The following CXADR variants were observed in gnomAD, a reference collection of about 807,000 sequenced individuals.
CXADR encodes the protein CXADR cell adhesion molecule, also known as coxsackievirus and adenovirus receptor.
In CXADR, 20 loss-of-function variants were observed where a neutral mutation model predicts 40.3. The observed-to-expected ratio is 0.50, with a 90% CI of 0.35 to 0.72. The LOEUF (loss-of-function observed/expected upper bound fraction) is 0.72, where lower values mean the gene tolerates loss of function less well. Ranked by LOEUF, CXADR falls within the 30% of genes least tolerant of loss-of-function variation. The pLI is 0.01. For missense variants in CXADR, 332 were observed against 449.1 expected, an observed-to-expected ratio of 0.74 and a Z score of 2.36; for synonymous variants, 150 against 161.3, an observed-to-expected ratio of 0.93 and a Z score of 0.53.
At chr21:17,587,915 G>T (rs1280662888) in intron 7 of CXADR, among the ~76,000 whole-genome samples, 1 of 152,088 alleles carries the variant, frequency 6.6e-6, no homozygotes, top group Non-Finnish European at 1.5e-5. Flanking sequence ...TTTGTATAAG[G>T]TGTAAGGAAG....
chr21:17,593,241 T>C, exon 8 of CXADR: 2 of 1,365,776 alleles, frequency 1.5e-6, no homozygotes, highest in Non-Finnish European at 1.9e-6. Context: ...TGACTTTATT[T>C]TAGGCCTCTA....
At chr21:17,573,768 G>A (rs1007796003), downstream of CXADR, among the ~76,000 whole-genome samples, 1 of 152,294 alleles carries the variant, frequency 6.6e-6, no homozygotes, top group Middle Eastern at 3.4e-3. Flanking sequence ...AATTAGCTGG[G>A]TGGTGGCACA....
At chr21:17,548,575 A>G (rs942643947) in intron 2 of CXADR, among the ~76,000 whole-genome samples, 6 of 152,224 alleles carry the variant, frequency 3.9e-5, no homozygotes, top group Non-Finnish European at 8.8e-5. Flanking sequence ...GTGACAGTGC[A>G]GTGCCTGTCC....
intron 2 of CXADR, 54 bp downstream of exon 2, chr21:17,547,247 G>T (rs2060910183): frequency 6.2e-7 from 1 of 1,607,818 alleles, no homozygotes; most frequent in East Asian, 2.2e-5. Context: ...ACTATCTGAT[G>T]TGTCCATCAC....
intron 1 of CXADR, among the ~76,000 whole-genome samples, chr21:17,523,168 A>T (rs1235308081): frequency 2.0e-5 from 3 of 151,866 alleles, no homozygotes; most frequent in African/African-American, 7.3e-5. Flanking sequence ...GCATGTTCTA[A>T]CCTTTATCAA....
intron 1 of CXADR, among the ~76,000 whole-genome samples, chr21:17,534,383 C>CGG (rs1391733805): frequency 2.6e-5 from 4 of 151,986 alleles, no homozygotes; most frequent in Non-Finnish European, 5.9e-5. Flanking sequence ...GCGTGAGCCA[C>CGG]GGCACCCGGC....
At chr21:17,596,100 A>G (rs1179801707), downstream of CXADR, among the ~76,000 whole-genome samples, 1 of 152,042 alleles carries the variant, frequency 6.6e-6, no homozygotes, top group Non-Finnish European at 1.5e-5. Context: ...TTGAGATTAC[A>G]GCAGGATATG....
rs454870 is a variant in CXADR at position 17,568,582 on chromosome 21, A to G, written c.*2890A>G. ...CTTTTTTTTTTTTTTTTTAAGAGAT[A>G]GGGTTTCACTATTGCTCAGGCTGGT... On this transcript the variant is annotated 3_prime_UTR_variant, in exon 7 of 7. Coordinates refer to ENST00000284878, the MANE Select transcript of CXADR (RefSeq NM_001338.5). The G allele has an allele frequency of 0.33, 320,193 of 958,340 alleles. 54,942 individuals carry two copies. Among genetic ancestry groups the G allele is most frequent in the African/African-American group, 0.48 (26,039 of 54,326 alleles). 59.4% of individuals were successfully genotyped at this position (958,340 alleles called of 1,614,324 possible). A position where few individuals can be genotyped will look rare whatever the true frequency, so the allele number is the denominator to read the frequency against.
chr21:17,553,793 A>G (rs986229785), intron 3 of CXADR, among the ~76,000 whole-genome samples: 1 of 151,562 alleles, frequency 6.6e-6, no homozygotes, highest in Non-Finnish European at 1.5e-5. Flanking sequence ...GGCTGATTTT[A>G]TTTTTGGTAG....
chr21:17,540,402 C>T (rs931937872), intron 1 of CXADR, among the ~76,000 whole-genome samples: 17 of 151,964 alleles, frequency 1.1e-4, no homozygotes, highest in Non-Finnish European at 1.9e-4. Context: ...TAATTTCATT[C>T]GATGATTGTA....
the CXADR span, among the ~76,000 whole-genome samples, chr21:17,624,838 C>T: frequency 7.2e-5 from 11 of 152,222 alleles, no homozygotes; most frequent in South Asian, 2.1e-4. Flanking sequence ...ATTGTTCCCC[C>T]GGTTAATTAC....
At position 17,559,029 on chromosome 21, in the gene CXADR, G is replaced by A. The variant is rs2061072247; in HGVS notation, c.469G>A (p.Asp157Asn). ...YVDGSEEIGS[D>N]FKIKCEPKEG... ...TGATGGATCTGAAGAAATTGGAAGTGACTTTAAGATAAAATGTGAACCAAA... is the reference window on the plus strand; with the variant it reads ...TGATGGATCTGAAGAAATTGGAAGTAACTTTAAGATAAAATGTGAACCAAA... Residue 157 changes from aspartate to asparagine, a missense_variant, in exon 4 of 7, where the codon GAC becomes AAC. Asp to Asn is a conservative substitution (Grantham distance 23). Transcript: ENST00000284878. 6.2e-7 allele frequency: 1 copy of A among 1,613,878 alleles called. No individual in the cohort carries two copies. Among genetic ancestry groups the A allele is most frequent in the African/African-American group, 1.3e-5 (1 of 74,928 alleles).
intron 1 of CXADR, among the ~76,000 whole-genome samples, chr21:17,541,077 GC>G (rs1229764721): frequency 6.6e-6 from 1 of 151,392 alleles, no homozygotes; most frequent in Admixed American, 6.6e-5. Context: ...TTGTCAACAC[GC>G]CCCCCACCAG....
At chr21:17,612,988 G>A in the CXADR span, 1 of 151,940 alleles carries the variant, frequency 6.6e-6, no homozygotes, top group Non-Finnish European at 1.5e-5. Flanking sequence ...GCGCGCGCGG[G>A]ATCGGCTCGC....
chr21:17,524,523 C>T (rs1307065274), intron 1 of CXADR, among the ~76,000 whole-genome samples: 1 of 136,114 alleles, frequency 7.3e-6, no homozygotes, highest in African/African-American at 2.8e-5. Flanking sequence ...CTGCAGTGAG[C>T]CGAGATCATG....
chr21:17,548,245 T>G (rs373556640), intron 2 of CXADR, among the ~76,000 whole-genome samples: 8 of 152,096 alleles, frequency 5.3e-5, no homozygotes, highest in East Asian at 1.9e-4. Context: ...ATCAGTGCAG[T>G]TAGGTAATTA....
chr21:17,520,727 C>G (rs947247049), intron 1 of CXADR, among the ~76,000 whole-genome samples: 12 of 152,188 alleles, frequency 7.9e-5, no homozygotes, highest in Non-Finnish European at 1.6e-4. Flanking sequence ...GAGAGTTGGG[C>G]TTCTGCTTTG....
the CXADR span, among the ~76,000 whole-genome samples, chr21:17,607,983 T>C: frequency 1.3e-5 from 2 of 152,196 alleles, no homozygotes; most frequent in Non-Finnish European, 2.9e-5. Context: ...CAAGTGAGAA[T>C]TACCTTCGTT....
chr21:17,590,927 G>C (rs2061430511), intron 7 of CXADR, among the ~76,000 whole-genome samples: 1 of 151,968 alleles, frequency 6.6e-6, no homozygotes. Context: ...CAGATGATCA[G>C]CCAGCTCCCT....
Sources: gnomAD v4.1 joint callset for allele counts (sites outside exome capture counted in the v4.1 genomes callset) on GRCh38, gnomAD v4.1.1 for gene constraint, MANE v1.5 for transcripts, NCBI Gene and HGNC (gene_info 2026-07-23, HGNC 2026-07-21) for gene names.